The following SEPTIN8 variants were observed in gnomAD, a reference collection of about 807,000 sequenced individuals.
SEPTIN8 encodes septin-8.
A neutral mutation model predicts 53.1 loss-of-function variants in SEPTIN8; 22 were observed. The observed-to-expected ratio is 0.41, with a 90% CI of 0.30 to 0.59. The LOEUF is 0.59. Among genes scored for constraint, SEPTIN8 ranks in the 20% least tolerant of loss-of-function variants. The pLI is 0.24. For synonymous variants in SEPTIN8, 228 were observed against 248.4 expected, an observed-to-expected ratio of 0.92 and a Z score of 0.77; for missense variants, 536 against 638.7, an observed-to-expected ratio of 0.84 and a Z score of 1.73.
chr5:132,778,100 C>T (rs1229064007), upstream of SEPTIN8: 2 of 985,042 alleles, frequency 2.0e-6, no homozygotes, highest in South Asian at 4.7e-5. Context: ...GGTCGGAGGC[C>T]TCAGGAGGTT....
intron 3 of SEPTIN8, 48 bp downstream of exon 3, chr5:132,764,176 A>G: frequency 6.7e-7 from 1 of 1,493,038 alleles, no homozygotes; most frequent in East Asian, 2.5e-5. Context: ...GGGCCAATGT[A>G]GGTGGGGTGG....
chr5:132,764,676 G>T (rs1307758110), intron 2 of SEPTIN8, among the ~76,000 whole-genome samples: 1 of 152,232 alleles, frequency 6.6e-6, no homozygotes, highest in East Asian at 1.9e-4. Flanking sequence ...GATATGTGAT[G>T]TATTTCCTCA....
intron 9 of SEPTIN8, chr5:132,752,733 A>T (rs1452825892): frequency 1.5e-6 from 1 of 662,654 alleles, no homozygotes; most frequent in Non-Finnish European, 2.7e-6. Flanking sequence ...CTGAGATGGT[A>T]GGATTAGTGG....
intron 1 of SEPTIN8, among the ~76,000 whole-genome samples, chr5:132,766,278 C>G (rs1478500178): frequency 4.6e-5 from 7 of 152,196 alleles, no homozygotes; most frequent in Non-Finnish European, 5.9e-5. Context: ...CTGACTCCTG[C>G]CACCCTTCCA....
In SEPTIN8 at chr5:132,761,402, G is replaced by A; in HGVS notation, c.962+56C>T. ...GGGTCCCTCAGGGAACAGATGCCAG[G>A]GTGGTGTGTCTGGCCACAGCTGTGA... On this transcript the variant is annotated intron_variant, in intron 7 of 9. Transcript: ENST00000378719. The surrounding 1 kb of genome is among the most constrained non-coding windows in gnomAD (Gnocchi z 5.8). 6.3e-7 allele frequency: 1 copy of A among 1,587,046 alleles called. No homozygotes were observed. Among genetic ancestry groups the A allele is most frequent in the Non-Finnish European group, 8.6e-7 (1 of 1,167,972 alleles).
In SEPTIN8 at chr5:132,761,021, G is replaced by C; in HGVS notation, c.1096-29C>G. 1 of 1,585,860 alleles carries C rather than the reference G, an allele frequency of 6.3e-7. No individual in the cohort carries two copies. The highest frequency in any genetic ancestry group is 8.6e-7 in the Non-Finnish European group (1 of 1,165,304). ...GCATCAGAAAGGGGGCAGAAGATGCGGGGAGCAAGAGGAGGGCTTGAGCCT... is the reference window on the plus strand; with the variant it reads ...GCATCAGAAAGGGGGCAGAAGATGCCGGGAGCAAGAGGAGGGCTTGAGCCT... On this transcript the variant is annotated intron_variant, in intron 8 of 9. Transcript: ENST00000378719. The surrounding 1 kb of genome is among the most constrained non-coding windows in gnomAD (Gnocchi z 5.8).
At position 132,752,109 on chromosome 5, in the gene SEPTIN8, A is replaced by G. The variant is rs1219924464; in HGVS notation, c.1359T>C (p.Ser453=). Residue 453 remains serine, a synonymous_variant, in exon 10 of 10, where the codon AGT becomes AGC. Coordinates refer to ENST00000378719, the MANE Select transcript of SEPTIN8 (RefSeq NM_001098811.2). ...SSSKVMMTKA[S]VEPLNCSSWW... is the part of the protein sequence containing the mutation. ...AGCTGCTGCAGTTCAAGGGCTCCACACTGGCCTTGGTCATCATCACCTTAG... is the reference window on the plus strand; with the variant it reads ...AGCTGCTGCAGTTCAAGGGCTCCACGCTGGCCTTGGTCATCATCACCTTAG... 1.9e-6 allele frequency: 3 copies of G among 1,599,468 alleles called. No individual in the cohort carries two copies. Among genetic ancestry groups the G allele is most frequent in the East Asian group, 2.2e-5 (1 of 44,524 alleles).
At chr5:132,765,605 T>C in intron 1 of SEPTIN8, 76 bp from the exon 2 acceptor site, 1 of 1,500,034 alleles carries the variant, frequency 6.7e-7, no homozygotes, top group Admixed American at 2.2e-5. Context: ...GCGCTAAATC[T>C]GAGTTAAAAC....
intron 1 of SEPTIN8, chr5:132,774,275 G>C (rs1275240041): frequency 1.2e-5 from 2 of 165,966 alleles, no homozygotes; most frequent in Non-Finnish European, 2.9e-5. Context: ...GTGAGGCTGT[G>C]TGCTGCACGT....
chr5:132,762,760 A>T (rs1255863560), intron 4 of SEPTIN8, 115 bp from the exon 5 acceptor site: 33 of 1,170,900 alleles, frequency 2.8e-5, no homozygotes, highest in Admixed American at 1.5e-4. Context: ...GGCAGGGGGA[A>T]GGAGGCCAGA....
intron 9 of SEPTIN8, chr5:132,753,215 TCTGGG>T (rs1420579840): frequency 1.1e-4 from 53 of 483,092 alleles, no homozygotes; most frequent in Non-Finnish European, 1.8e-4. Context: ...CTTTTTCTCC[TCTGGG>T]CCTGAAGCCA....
intron 9 of SEPTIN8, chr5:132,754,174 G>C (rs879422767): frequency 4.1e-6 from 2 of 489,698 alleles, no homozygotes; most frequent in Non-Finnish European, 7.3e-6. Flanking sequence ...GATCCTGTAT[G>C]AGTCTTATTT....
upstream of SEPTIN8, among the ~76,000 whole-genome samples, chr5:132,779,967 A>G (rs574113024): frequency 1.3e-5 from 2 of 152,360 alleles, no homozygotes; most frequent in African/African-American, 4.8e-5. Context: ...TAGGTAGTCC[A>G]GGGCTTATGT....
At chr5:132,775,528 A>T (rs1344737240) in intron 1 of SEPTIN8, among the ~76,000 whole-genome samples, 1 of 152,218 alleles carries the variant, frequency 6.6e-6, no homozygotes, top group African/African-American at 2.4e-5. Flanking sequence ...CCAAGGGGTT[A>T]AATAACCTGC....
In SEPTIN8 at chr5:132,751,014, T is replaced by TTACAGGG; in HGVS notation, c.*1001_*1002insCCCTGTA. 1 of 1,610,784 alleles carries TTACAGGG rather than the reference T, an allele frequency of 6.2e-7. No individual in the cohort carries two copies. The highest frequency in any genetic ancestry group is 8.5e-7 in the Non-Finnish European group (1 of 1,179,148). ...TTGACTATAGTGAGTAAGGAGGTGT[T>TTACAGGG]TACAGAGTCTACCCTAAACTCGTTT... On this transcript the variant is annotated 3_prime_UTR_variant, in exon 10 of 10. Coordinates refer to ENST00000378719, the MANE Select transcript of SEPTIN8 (RefSeq NM_001098811.2).
chr5:132,772,132 T>C (rs781682320), intron 1 of SEPTIN8, among the ~76,000 whole-genome samples: 13 of 152,232 alleles, frequency 8.5e-5, no homozygotes, highest in Admixed American at 1.3e-4. Flanking sequence ...AGAAGGAATT[T>C]TGGGAGCAAA....
chr5:132,754,235 A>G, intron 9 of SEPTIN8: 2 of 572,532 alleles, frequency 3.5e-6, no homozygotes, highest in African/African-American at 1.9e-5. Context: ...TTGGAACACT[A>G]TCTCCTAGGT....
At position 132,760,776 on chromosome 5, in the gene SEPTIN8, C is replaced by T. The variant is rs1755832046; in HGVS notation, c.1286+26G>A. 6.2e-7 allele frequency: 1 copy of T among 1,602,328 alleles called. No individual in the cohort carries two copies. The highest frequency in any genetic ancestry group is 2.2e-5 in the East Asian group (1 of 44,824). On this transcript the variant is annotated intron_variant, in intron 9 of 9. Coordinates refer to ENST00000378719, the MANE Select transcript of SEPTIN8 (RefSeq NM_001098811.2). This position sits in a 1 kb window ranked among gnomAD's most constrained non-coding sequence, Gnocchi z 5.2. ...AAGAGCCCACAGGAGCAAGAGGAGC[C>T]AGCGCAGGCGCAGCCTGCCACCTAC...
At chr5:132,754,502 G>C in intron 9 of SEPTIN8, 1 of 717,496 alleles carries the variant, frequency 1.4e-6, no homozygotes, top group Non-Finnish European at 2.6e-6. Context: ...GATTCTGAGA[G>C]CTGATCCAAC....
Sources: allele counts gnomAD v4.1 joint callset (sites outside exome capture counted in the v4.1 genomes callset), GRCh38; gene constraint gnomAD v4.1.1; non-coding constraint Gnocchi (gnomAD v3.1); transcripts MANE v1.5; gene names NCBI Gene and HGNC (gene_info 2026-07-23, HGNC 2026-07-21).